Variants in PTPRN2 observed in about 807,000 individuals in gnomAD.
PTPRN2 encodes protein tyrosine phosphatase receptor type N2.
A neutral mutation model predicts 118.8 loss-of-function variants in PTPRN2; 74 were observed. The observed-to-expected ratio is 0.62, with a 90% confidence interval of 0.52 to 0.76. The LOEUF is 0.76. PTPRN2 is among the 30% of genes least tolerant of loss of function. PTPRN2 has a pLI of 0.00. For missense variants in PTPRN2, 1,481 were observed against 1,394.4 expected, an observed-to-expected ratio of 1.06 and a Z score of -0.99; for synonymous variants, 641 against 608.0, an observed-to-expected ratio of 1.05 and a Z score of -0.80.
chr7:158,134,812 C>T (rs185231975), intron 8 of PTPRN2, among the ~76,000 whole-genome samples: 77 of 152,340 alleles, frequency 5.1e-4, no homozygotes, highest in African/African-American at 1.9e-3. Flanking sequence ...CATGTAATTA[C>T]TACTCCAACC....
At position 158,525,123 on chromosome 7, in the gene PTPRN2, C is replaced by T. The variant is rs1824672233; in HGVS notation, c.113-35338G>A. On this transcript the variant is annotated intron_variant, in intron 1 of 22. Transcript: ENST00000389418. The surrounding 1 kb of genome is among the most constrained non-coding windows in gnomAD (Gnocchi z 4.1). ...TGGCCCTCCATGCGAAGAAATGCTGCGTCCCAGGCCCTGCACAGTGCTGGA... is the reference window on the plus strand; with the variant it reads ...TGGCCCTCCATGCGAAGAAATGCTGTGTCCCAGGCCCTGCACAGTGCTGGA... Among the ~76,000 whole-genome samples the T allele has an allele frequency of 6.6e-6, 1 of 152,120 alleles. No homozygotes were observed. Among genetic ancestry groups the T allele is most frequent in the Admixed American group, 6.5e-5 (1 of 15,274 alleles).
intron 3 of PTPRN2, among the ~76,000 whole-genome samples, chr7:158,225,112 C>CTT (rs111497029): frequency 0.018 from 2,626 of 149,420 alleles, 61 homozygotes; most frequent in African/African-American, 0.061. Flanking sequence ...ATCACTGTTA[C>CTT]TTTTTTTTTT....
intron 12 of PTPRN2, among the ~76,000 whole-genome samples, chr7:157,799,631 C>T (rs544854117): frequency 5.2e-4 from 79 of 152,206 alleles, no homozygotes; most frequent in African/African-American, 1.8e-3. Context: ...GTGTTCTGAG[C>T]GTGGAGTGAA....
chr7:158,413,983 A>G (rs952938334), intron 2 of PTPRN2, among the ~76,000 whole-genome samples: 24 of 147,478 alleles, frequency 1.6e-4, no homozygotes, highest in African/African-American at 6.1e-4. Flanking sequence ...CTACTAAATC[A>G]CTTGAACCTG....
At chr7:158,538,600 T>C (rs1314081221) in intron 1 of PTPRN2, among the ~76,000 whole-genome samples, 1 of 152,084 alleles carries the variant, frequency 6.6e-6, no homozygotes, top group African/African-American at 2.4e-5. Flanking sequence ...CAGAGACGCA[T>C]CCCAGCGCCC....
intron 18 of PTPRN2, 30 bp from the exon 19 acceptor site, chr7:157,576,809 G>A: frequency 6.4e-7 from 1 of 1,564,202 alleles, no homozygotes. Context: ...GGAGGGGACA[G>A]AGACAGGTGT....
chr7:157,556,348 A>G (rs1408345675), intron 21 of PTPRN2, among the ~76,000 whole-genome samples: 2 of 150,222 alleles, frequency 1.3e-5, no homozygotes, highest in Non-Finnish European at 3.0e-5. Flanking sequence ...CGTCATACAT[A>G]TGCACATGTG....
chr7:158,319,480 A>G (rs1586240160), intron 2 of PTPRN2, among the ~76,000 whole-genome samples: 5 of 54,164 alleles, frequency 9.2e-5, no homozygotes, highest in Admixed American at 5.7e-4. Context: ...ACACAAGCAC[A>G]GCCTCCCTCA....
In PTPRN2 at chr7:157,845,761, A is replaced by C. The variant is rs1808762566; in HGVS notation, c.1788+52912T>G. 6.6e-6 allele frequency among the ~76,000 whole-genome samples: 1 copy of C among 152,210 alleles called. No individual in the cohort carries two copies. The highest frequency in any genetic ancestry group is 2.4e-5 in the African/African-American group (1 of 41,454). On this transcript the variant is annotated intron_variant, in intron 12 of 22. Coordinates refer to ENST00000389418, the MANE Select transcript of PTPRN2 (RefSeq NM_002847.5). This position sits in a 1 kb window ranked among gnomAD's most constrained non-coding sequence, Gnocchi z 4.5. ...CATGACTCACAGAGACGGGGACGGC[A>C]GCAAGGACACAGCAGGGCCATGGGC... is the stretch of plus-strand genomic sequence containing the variant.
At chr7:158,162,824 G>A (rs1822484665) in intron 6 of PTPRN2, among the ~76,000 whole-genome samples, 1 of 152,210 alleles carries the variant, frequency 6.6e-6, no homozygotes, top group Non-Finnish European at 1.5e-5. Context: ...CAGCCTCGTT[G>A]ACTGACTGCT....
intron 12 of PTPRN2, among the ~76,000 whole-genome samples, chr7:157,875,328 G>C (rs1795691142): frequency 6.6e-6 from 1 of 152,208 alleles, no homozygotes; most frequent in Non-Finnish European, 1.5e-5. Flanking sequence ...AGAGCCGAGG[G>C]AGCGCGTGAG....
intron 5 of PTPRN2, among the ~76,000 whole-genome samples, chr7:158,183,129 T>C (rs1267391518): frequency 6.6e-6 from 1 of 152,242 alleles, no homozygotes; most frequent in Non-Finnish European, 1.5e-5. Context: ...TTGGTTTCCA[T>C]TTGCATGGAA....
intron 3 of PTPRN2, among the ~76,000 whole-genome samples, chr7:158,276,013 T>C (rs1418133303): frequency 1.3e-5 from 2 of 152,204 alleles, no homozygotes; most frequent in East Asian, 3.8e-4. Flanking sequence ...ATGGCTGCCC[T>C]CTGACTCTGC....
chr7:158,259,287 G>A (rs1797232814), intron 3 of PTPRN2, among the ~76,000 whole-genome samples: 1 of 152,222 alleles, frequency 6.6e-6, no homozygotes, highest in South Asian at 2.1e-4. Context: ...GGCCATGGGA[G>A]CAGGCAGGCC....
intron 12 of PTPRN2, among the ~76,000 whole-genome samples, chr7:157,724,197 C>T (rs957736290): frequency 2.0e-5 from 3 of 152,158 alleles, no homozygotes; most frequent in African/African-American, 4.8e-5. Context: ...TAGGCTTCCC[C>T]CGTCTGAATT....
intron 11 of PTPRN2, among the ~76,000 whole-genome samples, chr7:157,961,940 C>T (rs1267360347): frequency 1.3e-5 from 2 of 152,098 alleles, no homozygotes; most frequent in East Asian, 1.9e-4. Context: ...GGAGACCCGG[C>T]GGCCACACCT....
rs79945402 is a variant in PTPRN2, at chr7:158,125,853, C to A, written c.1556+7824G>T. ...TTTCCTTTACTCTAACAAGGAAGGA[C>A]GAGCAGGAAGCATCAGTCCGGACCT... On this transcript the variant is annotated intron_variant, in intron 9 of 22. Transcript: ENST00000389418. Among the ~76,000 whole-genome samples, 16 of 152,248 alleles carry A rather than the reference C, an allele frequency of 1.1e-4. No individual in the cohort carries two copies. The East Asian group carries it at 2.7e-3, about 26-fold the overall frequency.
At chr7:157,656,669 CA>C (rs1806118770) in intron 13 of PTPRN2, 118 bp from the exon 14 acceptor site, 5 of 1,109,002 alleles carry the variant, frequency 4.5e-6, no homozygotes, top group Non-Finnish European at 6.4e-6. Context: ...AAGGTTCAGG[CA>C]GGCGAGAGTT....
At chr7:158,322,069 T>C (rs938691602) in intron 2 of PTPRN2, among the ~76,000 whole-genome samples, 3 of 152,308 alleles carry the variant, frequency 2.0e-5, no homozygotes, top group Middle Eastern at 3.4e-3. Flanking sequence ...GCTCATCATC[T>C]CTGTCCCCAG....
Sources: gnomAD v4.1 joint callset for allele counts (sites outside exome capture counted in the v4.1 genomes callset) on GRCh38, gnomAD v4.1.1 for gene constraint, Gnocchi (gnomAD v3.1) non-coding constraint, MANE v1.5 for transcripts, NCBI Gene and HGNC (gene_info 2026-07-23, HGNC 2026-07-21) for gene names.